PTK2B: variants seen among roughly 807,000 people sequenced by gnomAD.
PTK2B encodes the protein protein tyrosine kinase 2 beta.
In PTK2B, 71 loss-of-function variants were observed where a neutral mutation model predicts 142.9. The ratio of observed to expected loss-of-function variants is 0.50; its 90% CI spans 0.41 to 0.61. The LOEUF (loss-of-function observed/expected upper bound fraction) is 0.61. Among genes scored for constraint, PTK2B ranks in the 20% least tolerant of loss-of-function variants. The pLI, the probability that PTK2B is intolerant of heterozygous loss-of-function variation, is 0.00. For missense variants in PTK2B, 1,105 were observed against 1,320.4 expected, an observed-to-expected ratio of 0.84 and a Z score of 2.53; for synonymous variants, 519 against 503.4, an observed-to-expected ratio of 1.03 and a Z score of -0.42.
intron 11 of PTK2B, 149 bp downstream of exon 11, chr8:27,433,701 A>G (rs1810588823): frequency 6.9e-6 from 5 of 728,900 alleles, no homozygotes; most frequent in Non-Finnish European, 9.0e-6. Context: ...CAGTGGGCCC[A>G]TCTTAGGCTT....
chr8:27,322,977 G>A (rs1268948367), upstream of PTK2B, among the ~76,000 whole-genome samples: 1 of 152,234 alleles, frequency 6.6e-6, no homozygotes, highest in Non-Finnish European at 1.5e-5. Context: ...TTCACTTGAA[G>A]TCCTCTGCTG....
intron 2 of PTK2B, among the ~76,000 whole-genome samples, chr8:27,404,180 C>T (rs75186654): frequency 0.012 from 1,867 of 152,258 alleles, 40 homozygotes; most frequent in African/African-American, 0.043. Flanking sequence ...CTCTCCCTGC[C>T]TGGCACACTG....
At chr8:27,382,935 A>G (rs950881028) in intron 1 of PTK2B, among the ~76,000 whole-genome samples, 3 of 152,186 alleles carry the variant, frequency 2.0e-5, no homozygotes, top group Non-Finnish European at 4.4e-5. Context: ...TATCAGTACC[A>G]TGCTATTTTG....
chr8:27,388,358 A>C (rs1807501216), intron 1 of PTK2B, among the ~76,000 whole-genome samples: 1 of 152,264 alleles, frequency 6.6e-6, no homozygotes, highest in African/African-American at 2.4e-5. Flanking sequence ...TTTGGGGTTA[A>C]AGATGACAAA....
chr8:27,345,976 G>A (rs946234251), intron 1 of PTK2B, among the ~76,000 whole-genome samples: 2 of 152,134 alleles, frequency 1.3e-5, no homozygotes, highest in East Asian at 3.9e-4. Context: ...GACCAAAGGT[G>A]TCCAAACTCC....
chr8:27,438,083 G>T (rs114116553), intron 18 of PTK2B: 219 of 541,906 alleles, frequency 4.0e-4, no homozygotes, highest in African/African-American at 4.0e-3. Flanking sequence ...GTACCTCATG[G>T]GGTTGTTACG....
intron 1 of PTK2B, among the ~76,000 whole-genome samples, chr8:27,350,386 G>T (rs2130458814): frequency 1.4e-5 from 2 of 141,478 alleles, no homozygotes. Flanking sequence ...CCCCCAGCCA[G>T]GCAATTATAG....
At chr8:27,369,820 T>G (rs1207202138) in intron 1 of PTK2B, among the ~76,000 whole-genome samples, 4 of 151,958 alleles carry the variant, frequency 2.6e-5, no homozygotes, top group Non-Finnish European at 5.9e-5. Flanking sequence ...ACTAAAAATA[T>G]AGAAAAACTA....
chr8:27,408,948 T>C (rs11994561), intron 2 of PTK2B, among the ~76,000 whole-genome samples: 34,361 of 152,134 alleles, frequency 0.23, 4,049 homozygotes, highest in Middle Eastern at 0.36. Flanking sequence ...CTGAAGTCCA[T>C]AGGGGAACCC....
intron 20 of PTK2B, 57 bp downstream of exon 20, chr8:27,439,455 G>C: frequency 2.0e-6 from 3 of 1,537,524 alleles, no homozygotes; most frequent in East Asian, 4.5e-5. Flanking sequence ...TTCTGAACCA[G>C]GCTAAGGGGG....
chr8:27,340,965 G>A (rs990679258), intron 1 of PTK2B, among the ~76,000 whole-genome samples: 6 of 152,360 alleles, frequency 3.9e-5, no homozygotes, highest in Admixed American at 6.5e-5. Context: ...CCAGCCAGCT[G>A]TCAGCAAGAG....
At chr8:27,387,526 T>A (rs563196941) in intron 1 of PTK2B, among the ~76,000 whole-genome samples, 38 of 152,274 alleles carry the variant, frequency 2.5e-4, no homozygotes, top group African/African-American at 8.9e-4. Context: ...CTCTCTTTGG[T>A]TTTAGGGGTC....
chr8:27,397,700 G>A lies in PTK2B; in HGVS notation c.116G>A (p.Arg39His), dbSNP rs746414552. 16 of 1,614,128 alleles carry A rather than the reference G, an allele frequency of 9.9e-6. No individual in the cohort carries two copies. Among genetic ancestry groups the A allele is most frequent in the African/African-American group, 1.3e-5 (1 of 74,934 alleles). Residue 39 changes from arginine (R) to histidine (H), a missense_variant, in exon 2 of 31, where the codon CGT becomes CAT. Physicochemically the swap from Arg to His is conservative, Grantham distance 29. Transcript: ENST00000346049. ...VPVDVEKEDV[R>H]ILKVCFYSNS... Reference sequence around the variant, plus strand: ...GTAGATGTGGAAAAGGAGGACGTGCGTATCCTCAAGGTCTGCTTCTATAGC... The same window carrying A: ...GTAGATGTGGAAAAGGAGGACGTGCATATCCTCAAGGTCTGCTTCTATAGC...
chr8:27,438,146 T>C (rs1810911393), intron 18 of PTK2B, among the ~76,000 whole-genome samples: 1 of 152,122 alleles, frequency 6.6e-6, no homozygotes, highest in Non-Finnish European at 1.5e-5. Context: ...TTCTAGCCCC[T>C]CCCCTGTGAG....
intron 1 of PTK2B, among the ~76,000 whole-genome samples, chr8:27,391,155 G>A (rs1042127607): frequency 6.7e-6 from 1 of 150,290 alleles, no homozygotes; most frequent in Non-Finnish European, 1.5e-5. Flanking sequence ...ATCTCGGCTC[G>A]GTGCAATCTC....
At chr8:27,311,370 G>A, upstream of PTK2B, 1 of 1,190,488 alleles carries the variant, frequency 8.4e-7, no homozygotes. Flanking sequence ...CAGCGGCGCT[G>A]GCCAATCGTG....
chr8:27,437,819 C>T lies in PTK2B; in HGVS notation c.1582C>T (p.Leu528=). Residue 528 remains leucine, a synonymous_variant, in exon 18 of 31, where the codon CTG becomes TTG. Coordinates refer to ENST00000346049, the MANE Select transcript of PTK2B (RefSeq NM_173176.3). ...CTCCCTGAAGGTGCTCACCCTCGTGCTGTACTCACTGCAGATATGCAAAGC... is the reference window on the plus strand; with the variant it reads ...CTCCCTGAAGGTGCTCACCCTCGTGTTGTACTCACTGCAGATATGCAAAGC... ...KNSLKVLTLV[L]YSLQICKAMA... is the part of the protein sequence containing the mutation. 2 of 1,613,688 alleles carry T rather than the reference C, an allele frequency of 1.2e-6. No individual in the cohort carries two copies. The highest frequency in any genetic ancestry group is 8.5e-7 in the Non-Finnish European group (1 of 1,179,886).
At chr8:27,334,401 G>C (rs1010289744) in intron 1 of PTK2B, among the ~76,000 whole-genome samples, 1 of 152,102 alleles carries the variant, frequency 6.6e-6, no homozygotes, top group Non-Finnish European at 1.5e-5. Context: ...CTCTGCTCAA[G>C]TCCTGTGTTC....
chr8:27,412,999 C>T (rs1053330787), intron 2 of PTK2B, among the ~76,000 whole-genome samples: 23 of 151,232 alleles, frequency 1.5e-4, no homozygotes, highest in African/African-American at 5.1e-4. Context: ...AGAGTCTCTT[C>T]TTTTTATTTT....
Sources: allele counts gnomAD v4.1 joint callset (sites outside exome capture counted in the v4.1 genomes callset), GRCh38; gene constraint gnomAD v4.1.1; transcripts MANE v1.5; gene names NCBI Gene and HGNC (gene_info 2026-07-23, HGNC 2026-07-21).